The following ZNF184 variants were observed in gnomAD, a reference collection of about 807,000 sequenced individuals.
The protein encoded by ZNF184 is zinc finger protein 184 (Kruppel-like).
Under a neutral mutation model 54.4 loss-of-function variants are expected in ZNF184, and 16 were observed. That is an observed-to-expected ratio of 0.29 (90% CI 0.20 to 0.45). The LOEUF (loss-of-function observed/expected upper bound fraction) is 0.45, where lower values mean the gene tolerates loss of function less well. Ranked by LOEUF, ZNF184 falls within the 20% of genes least tolerant of loss-of-function variation. ZNF184 has a pLI of 1.00. For missense variants in ZNF184, 681 were observed against 888.2 expected, an observed-to-expected ratio of 0.77 and a Z score of 2.97; for synonymous variants, 254 against 295.3, an observed-to-expected ratio of 0.86 and a Z score of 1.43.
downstream of ZNF184, among the ~76,000 whole-genome samples, chr6:27,447,362 A>G (rs759063335): frequency 1.3e-5 from 2 of 152,122 alleles, no homozygotes; most frequent in Non-Finnish European, 2.9e-5. Flanking sequence ...CTCCTCCAAA[A>G]TTCATGTTGA....
At chr6:27,410,746 G>T in the ZNF184 span, among the ~76,000 whole-genome samples, 2 of 152,132 alleles carry the variant, frequency 1.3e-5, no homozygotes, top group African/African-American at 4.8e-5. Context: ...TGCCCAGGCT[G>T]GTCTCAAACT....
intron 3 of ZNF184, among the ~76,000 whole-genome samples, chr6:27,467,527 G>A (rs1581588896): frequency 1.3e-5 from 2 of 152,222 alleles, no homozygotes; most frequent in South Asian, 2.1e-4. Context: ...CCCGGCAGGC[G>A]GAGGTTGCAG....
At chr6:27,411,427 G>A in the ZNF184 span, among the ~76,000 whole-genome samples, 3 of 152,228 alleles carry the variant, frequency 2.0e-5, no homozygotes, top group Admixed American at 6.5e-5. Flanking sequence ...CAAGGGACCA[G>A]TGGCTACATT....
chr6:27,413,063 C>T, the ZNF184 span, among the ~76,000 whole-genome samples: 1 of 141,312 alleles, frequency 7.1e-6, no homozygotes, highest in Non-Finnish European at 1.5e-5. Flanking sequence ...ATGGAGAAAC[C>T]CTGTCTCTAC....
chr6:27,469,649 A>C (rs972040034), intron 2 of ZNF184, among the ~76,000 whole-genome samples: 7 of 150,422 alleles, frequency 4.7e-5, no homozygotes, highest in African/African-American at 1.7e-4. Context: ...TCAAAAACAA[A>C]AAAAAAAAAT....
At chr6:27,411,011 T>G in the ZNF184 span, among the ~76,000 whole-genome samples, 1 of 152,122 alleles carries the variant, frequency 6.6e-6, no homozygotes, top group Non-Finnish European at 1.5e-5. Flanking sequence ...GGTGTCTTTG[T>G]GCTACTACAA....
the ZNF184 span, among the ~76,000 whole-genome samples, chr6:27,424,268 T>C: frequency 6.6e-6 from 1 of 152,232 alleles, no homozygotes; most frequent in Non-Finnish European, 1.5e-5. Context: ...TGATGACTTT[T>C]ACAGCTCACA....
chr6:27,459,891 G>A (rs149414819), intron 3 of ZNF184, among the ~76,000 whole-genome samples: 33 of 152,302 alleles, frequency 2.2e-4, no homozygotes, highest in Admixed American at 2.2e-3. Context: ...GGACAGGCAT[G>A]GTGGCTCACA....
chr6:27,433,972 CCCTTCCTT>C, the ZNF184 span, among the ~76,000 whole-genome samples: 2 of 35,802 alleles, frequency 5.6e-5, no homozygotes, highest in Admixed American at 3.2e-4. Flanking sequence ...TCCTCTCCCT[CCCTTCCTT>C]CCTTCCTTCC....
chr6:27,448,845 A>G (rs545161856), downstream of ZNF184, among the ~76,000 whole-genome samples: 7 of 152,162 alleles, frequency 4.6e-5, no homozygotes, highest in African/African-American at 9.7e-5. Context: ...GCACCACCAC[A>G]ACCCATGATG....
In ZNF184 at chr6:27,452,107, A is replaced by G; in HGVS notation, c.1452T>C (p.Ser484=). ...GATGTTGAGTAAGGGATGAGCAGTA[A>G]CTGAAGGCCTTTCCACATTCATTGC... ...YKCNECGKAF[S]YCSSLTQHRR... is the part of the protein sequence containing the mutation. The change falls in exon 6 of 6, where the codon AGT becomes AGC. Residue 484 remains serine, a synonymous_variant. Transcript: ENST00000683788. The surrounding 1 kb of genome is among the most constrained non-coding windows in gnomAD (Gnocchi z 5.5). 1 of 1,614,020 alleles carries G rather than the reference A, an allele frequency of 6.2e-7. No homozygotes were observed.
the ZNF184 span, among the ~76,000 whole-genome samples, chr6:27,429,175 G>T: frequency 2.0e-5 from 3 of 152,158 alleles, no homozygotes. Context: ...GGTTATTGTG[G>T]TTATGAATGC....
the ZNF184 span, among the ~76,000 whole-genome samples, chr6:27,412,834 A>G: frequency 6.6e-6 from 1 of 152,220 alleles, no homozygotes; most frequent in African/African-American, 2.4e-5. Flanking sequence ...TGTTTATGCC[A>G]CTGTACTCCA....
At chr6:27,420,053 A>G in the ZNF184 span, among the ~76,000 whole-genome samples, 3 of 152,168 alleles carry the variant, frequency 2.0e-5, no homozygotes, top group Non-Finnish European at 4.4e-5. Context: ...TTGCCTGTCA[A>G]TCTTTGCTCA....
At chr6:27,411,147 T>A in the ZNF184 span, among the ~76,000 whole-genome samples, 1 of 152,184 alleles carries the variant, frequency 6.6e-6, no homozygotes, top group Non-Finnish European at 1.5e-5. Flanking sequence ...TTCAAGATGG[T>A]GCCTTGTTGC....
chr6:27,418,682 T>C, the ZNF184 span, among the ~76,000 whole-genome samples: 2 of 152,178 alleles, frequency 1.3e-5, no homozygotes, highest in East Asian at 1.9e-4. Context: ...TTAATTTATA[T>C]TTTGTATTCT....
At chr6:27,444,835 C>CT in the ZNF184 span, among the ~76,000 whole-genome samples, 3 of 152,056 alleles carry the variant, frequency 2.0e-5, no homozygotes, top group South Asian at 2.1e-4. Context: ...TTTCTGATTT[C>CT]TTTTTTTTAA....
At chr6:27,443,608 A>G in the ZNF184 span, among the ~76,000 whole-genome samples, 1 of 152,100 alleles carries the variant, frequency 6.6e-6, no homozygotes, top group Admixed American at 6.5e-5. Flanking sequence ...GGCATTACCA[A>G]TAAGCACACT....
the ZNF184 span, among the ~76,000 whole-genome samples, chr6:27,415,860 G>C: frequency 2.6e-5 from 4 of 152,098 alleles, no homozygotes; most frequent in Non-Finnish European, 4.4e-5. Context: ...CCACAAACTG[G>C]GTGGCTTAAA....
Sources: allele counts gnomAD v4.1 joint callset (sites outside exome capture counted in the v4.1 genomes callset), GRCh38; gene constraint gnomAD v4.1.1; non-coding constraint Gnocchi (gnomAD v3.1); transcripts MANE v1.5; gene names NCBI Gene and HGNC (gene_info 2026-07-23, HGNC 2026-07-21).